Variants in ASTN1 observed in about 807,000 individuals in gnomAD.
ASTN1 encodes the protein astrotactin-1.
Under a neutral mutation model 140.7 loss-of-function variants are expected in ASTN1, and 41 were observed. That is an observed-to-expected ratio of 0.29 (90% CI 0.23 to 0.38). The LOEUF (loss-of-function observed/expected upper bound fraction) is 0.38, where lower values mean the gene tolerates loss of function less well. Ranked by LOEUF, ASTN1 falls within the 10% of genes least tolerant of loss-of-function variation. The pLI, the probability that ASTN1 is intolerant of heterozygous loss-of-function variation, is 1.00. For synonymous variants in ASTN1, 640 were observed against 652.2 expected, an observed-to-expected ratio of 0.98 and a Z score of 0.29; for missense variants, 1,479 against 1,678.8, an observed-to-expected ratio of 0.88 and a Z score of 2.08.
intron 21 of ASTN1, among the ~76,000 whole-genome samples, chr1:176,875,742 T>G (rs1668533925): frequency 6.6e-6 from 1 of 152,224 alleles, no homozygotes; most frequent in Non-Finnish European, 1.5e-5. Context: ...ACTTTCAGCA[T>G]CAATGTCTTT....
At chr1:177,139,835 C>T (rs1207290485) in intron 1 of ASTN1, among the ~76,000 whole-genome samples, 3 of 151,994 alleles carry the variant, frequency 2.0e-5, no homozygotes, top group South Asian at 4.2e-4. Flanking sequence ...TGGCTTGTCC[C>T]ATCTAGATAT....
In ASTN1 at chr1:176,992,021, G is replaced by T. The variant is rs528323308; in HGVS notation, c.1523+22770C>A. On this transcript the variant is annotated intron_variant, in intron 8 of 22. Transcript: ENST00000361833. The stretch of plus-strand genomic sequence containing the variant: ...GTAATAAGTCTTTACATCTGAAAAT[G>T]TATTAGTAGATAATAGAAAAAATAC... 1.9e-3 allele frequency among the ~76,000 whole-genome samples: 286 copies of T among 152,290 alleles called. 1 individual carries two copies. The highest frequency in any genetic ancestry group is 6.6e-3 in the African/African-American group (274 of 41,546).
intron 16 of ASTN1, among the ~76,000 whole-genome samples, chr1:176,913,859 G>A (rs1179750834): frequency 6.6e-6 from 1 of 152,236 alleles, no homozygotes; most frequent in Admixed American, 6.5e-5. Context: ...CTAAGGGTGA[G>A]CCGAAGCTCA....
At chr1:177,019,359 T>G (rs1675705152) in intron 7 of ASTN1, among the ~76,000 whole-genome samples, 1 of 152,224 alleles carries the variant, frequency 6.6e-6, no homozygotes, top group African/African-American at 2.4e-5. Context: ...TCCTAGGTAT[T>G]TCCCACTGGT....
intron 8 of ASTN1, among the ~76,000 whole-genome samples, chr1:176,972,259 A>G (rs1314796865): frequency 6.6e-6 from 1 of 152,172 alleles, no homozygotes; most frequent in East Asian, 1.9e-4. Context: ...TGCAGATAAA[A>G]TGGTGCCTCG....
At chr1:177,085,760 T>G (rs1303674887) in intron 1 of ASTN1, among the ~76,000 whole-genome samples, 1 of 152,200 alleles carries the variant, frequency 6.6e-6, no homozygotes, top group Non-Finnish European at 1.5e-5. Context: ...CGTACATGTG[T>G]GGTTCCCTGG....
rs759808289 is a variant in ASTN1, at chr1:176,934,309, C to A, written c.2514G>T (p.Gly838=). The A allele has an allele frequency of 1.9e-5, 30 of 1,613,498 alleles. No individual in the cohort carries two copies. Among genetic ancestry groups the A allele is most frequent in the Non-Finnish European group, 2.4e-5 (28 of 1,179,548 alleles). The part of the protein sequence containing the change: ...ALSNALHSLD[G]ATSRADFVAL... ...CCACAAAATCTGCACGAGATGTAGC[C>A]CCATCCAGCGAGTGGAGAGCATTGC... Residue 838 remains glycine (G), a synonymous_variant, in exon 16 of 23, where the codon GGG becomes GGT. Coordinates refer to ENST00000361833, the MANE Select transcript of ASTN1 (RefSeq NM_004319.3).
chr1:177,047,647 G>T (rs1281305281), intron 2 of ASTN1, among the ~76,000 whole-genome samples: 1 of 152,154 alleles, frequency 6.6e-6, no homozygotes, highest in African/African-American at 2.4e-5. Flanking sequence ...TGAGAGGTGA[G>T]GGGGGTCTGC....
intron 8 of ASTN1, among the ~76,000 whole-genome samples, chr1:176,972,701 C>T (rs1364877918): frequency 6.7e-6 from 1 of 149,642 alleles, no homozygotes; most frequent in Non-Finnish European, 1.5e-5. Flanking sequence ...AAATCTCATG[C>T]AAAGAAAAAT....
intron 11 of ASTN1, among the ~76,000 whole-genome samples, chr1:176,951,020 AG>A (rs1355150340): frequency 6.6e-6 from 1 of 152,208 alleles, no homozygotes; most frequent in Non-Finnish European, 1.5e-5. Flanking sequence ...GATCATCACC[AG>A]GCAGGATATG....
intron 2 of ASTN1, among the ~76,000 whole-genome samples, chr1:177,048,831 T>A (rs1199781748): frequency 3.3e-5 from 5 of 152,202 alleles, no homozygotes; most frequent in Non-Finnish European, 7.3e-5. Context: ...GCAATGGCTC[T>A]GAACCAGCAA....
chr1:177,070,037 G>T (rs1198719408), intron 1 of ASTN1, among the ~76,000 whole-genome samples: 1 of 152,176 alleles, frequency 6.6e-6, no homozygotes, highest in Non-Finnish European at 1.5e-5. Context: ...AGTAAGGTAT[G>T]TAATAATATT....
chr1:177,147,832 C>T (rs1682785313), intron 1 of ASTN1, among the ~76,000 whole-genome samples: 1 of 152,172 alleles, frequency 6.6e-6, no homozygotes, highest in Non-Finnish European at 1.5e-5. Flanking sequence ...CAAGGAGTAG[C>T]TTGCAGGAGT....
At chr1:177,045,835 G>T in intron 2 of ASTN1, among the ~76,000 whole-genome samples, 1 of 152,150 alleles carries the variant, frequency 6.6e-6, no homozygotes, top group East Asian at 1.9e-4. Context: ...CATCACCAGA[G>T]AAGTCAAAAC....
Position 176,863,459 on chromosome 1 carries a change from A to T in ASTN1, c.*825T>A. ...AAAGGAAGCATGGTTTTTTTAAAAAACAATAAACTCCAAGTCTCCTCTTGA... is the reference window on the plus strand; with the variant it reads ...AAAGGAAGCATGGTTTTTTTAAAAATCAATAAACTCCAAGTCTCCTCTTGA... On this transcript the variant is annotated 3_prime_UTR_variant, in exon 23 of 23. Transcript: ENST00000361833. The T allele has an allele frequency of 1.0e-6, 1 of 985,762 alleles. No individual in the cohort carries two copies. Among genetic ancestry groups the T allele is most frequent in the Non-Finnish European group, 1.2e-6 (1 of 829,926 alleles). 61.1% of individuals were successfully genotyped at this position (985,762 alleles called of 1,614,324 possible).
chr1:176,943,064 T>G (rs1271533831), intron 14 of ASTN1, among the ~76,000 whole-genome samples: 5 of 151,248 alleles, frequency 3.3e-5, no homozygotes, highest in Non-Finnish European at 7.4e-5. Flanking sequence ...GAAGACAGAA[T>G]GAATAGGGAG....
intron 11 of ASTN1, among the ~76,000 whole-genome samples, chr1:176,949,935 G>A (rs901328182): frequency 6.6e-6 from 1 of 152,180 alleles, no homozygotes; most frequent in Non-Finnish European, 1.5e-5. Flanking sequence ...ACCTCCCTGT[G>A]TCAGGGATGC....
rs115176950 is a variant in ASTN1, at chr1:176,985,141, C to T, written c.1524-19904G>A. ...GCCTTGTGGGGAGAAGTCACCTGTT[C>T]CGTGTGCACTGAAGGCCCTCTGTCA... On this transcript the variant is annotated intron_variant, in intron 8 of 22. Transcript: ENST00000361833. 2.7e-3 allele frequency among the ~76,000 whole-genome samples: 418 copies of T among 152,330 alleles called. 3 individuals carry two copies. The highest frequency in any genetic ancestry group is 9.0e-3 in the African/African-American group (376 of 41,578).
Position 176,863,109 on chromosome 1 carries a change from G to A in ASTN1, c.*1175C>T, listed in dbSNP as rs1371269530. On this transcript the variant is annotated 3_prime_UTR_variant, in exon 23 of 23. Coordinates refer to ENST00000361833, the MANE Select transcript of ASTN1 (RefSeq NM_004319.3). ...GTGGGATGGAAACAACACTCTAGAT[G>A]TTAACTGCAATCAGTGGTGCTTCCC... The A allele has an allele frequency of 9.1e-6, 9 of 985,756 alleles. No homozygotes were observed. The highest frequency in any genetic ancestry group is 1.1e-5 in the Non-Finnish European group (9 of 829,896). 61.1% of individuals were successfully genotyped at this position (985,756 alleles called of 1,614,324 possible).
Sources: allele counts gnomAD v4.1 joint callset (sites outside exome capture counted in the v4.1 genomes callset), GRCh38; gene constraint gnomAD v4.1.1; transcripts MANE v1.5; gene names NCBI Gene and HGNC (gene_info 2026-07-23, HGNC 2026-07-21).